The following FHIT variants were observed in gnomAD, a reference collection of about 807,000 sequenced individuals.
FHIT encodes the protein fragile histidine triad diadenosine triphosphatase.
A neutral mutation model predicts 17.9 loss-of-function variants in FHIT; 19 were observed. The ratio of observed to expected loss-of-function variants is 1.06; its 90% CI spans 0.74 to 1.56. The LOEUF is 1.56. Among genes scored for constraint, FHIT ranks in the 40% most tolerant of loss-of-function variants. The pLI is 0.00. For synonymous variants in FHIT, 81 were observed against 69.7 expected, an observed-to-expected ratio of 1.16 and a Z score of -0.81; for missense variants, 248 against 189.2, an observed-to-expected ratio of 1.31 and a Z score of -1.82.
intron 3 of FHIT, among the ~76,000 whole-genome samples, chr3:60,880,561 T>G (rs1704916841): frequency 6.6e-6 from 1 of 152,208 alleles, no homozygotes; most frequent in Non-Finnish European, 1.5e-5. Context: ...GGAGAAATCC[T>G]GTCTCTACTC....
chr3:60,181,976 T>C (rs559251211), intron 5 of FHIT, among the ~76,000 whole-genome samples: 36 of 152,128 alleles, frequency 2.4e-4, no homozygotes, highest in Non-Finnish European at 3.8e-4. Context: ...CCTAGATAAA[T>C]GGGATCACAA....
Position 60,405,960 on chromosome 3 carries a change from A to C in FHIT, c.103+130900T>G, listed in dbSNP as rs542213530. On this transcript the variant is annotated intron_variant, in intron 5 of 9. Coordinates refer to ENST00000492590, the MANE Select transcript of FHIT (RefSeq NM_002012.4). Reference sequence around the variant, plus strand: ...AATAATCAACCACTTCTTATATGTTAAGTGGTGAGGCTTAAGATAACAAAT... The same window carrying C: ...AATAATCAACCACTTCTTATATGTTCAGTGGTGAGGCTTAAGATAACAAAT... 2.0e-5 allele frequency among the ~76,000 whole-genome samples: 3 copies of C among 152,346 alleles called. No individual in the cohort carries two copies. The South Asian group carries it at 6.2e-4, about 32-fold the overall frequency.
In FHIT at chr3:61,092,502, A is replaced by T. The variant is rs533486183; in HGVS notation, c.-163-50403T>A. On this transcript the variant is annotated intron_variant, in intron 2 of 9. Transcript: ENST00000492590. ...CTCTAAAGTATATATGTCCCTTAAA[A>T]ATATATATATATATATACTGCTTGC... 1.6e-3 allele frequency among the ~76,000 whole-genome samples: 235 copies of T among 149,486 alleles called. 1 individual carries two copies. Among genetic ancestry groups the T allele is most frequent in the African/African-American group, 5.1e-3 (208 of 40,892 alleles).
intron 5 of FHIT, among the ~76,000 whole-genome samples, chr3:60,065,870 C>T (rs1702478792): frequency 6.6e-6 from 1 of 152,164 alleles, no homozygotes; most frequent in Admixed American, 6.5e-5. Context: ...AGTAGCAACA[C>T]TGCTGCTGCC....
rs150790535 is a variant in FHIT at position 60,951,972 on chromosome 3, C to A, written c.-111+90075G>T. 5.4e-3 allele frequency among the ~76,000 whole-genome samples: 824 copies of A among 152,174 alleles called. 3 individuals carry two copies. Among genetic ancestry groups the A allele is most frequent in the Non-Finnish European group, 8.9e-3 (606 of 68,006 alleles). ...CCTGAGGTCAGGAGTTCAAGACCAG[C>A]CTGGTTAACATGGTGAAACCCCATC... On this transcript the variant is annotated intron_variant, in intron 3 of 9. Coordinates refer to ENST00000492590, the MANE Select transcript of FHIT (RefSeq NM_002012.4).
intron 5 of FHIT, among the ~76,000 whole-genome samples, chr3:60,302,860 C>G (rs1035440756): frequency 1.3e-5 from 2 of 152,158 alleles, no homozygotes; most frequent in Non-Finnish European, 2.9e-5. Context: ...CATCAAGCAT[C>G]ACTTTAAGGT....
rs562700950 is a variant in FHIT, at chr3:59,984,721, C to A, written c.279+26650G>T. Among the ~76,000 whole-genome samples, 93 of 152,176 alleles carry A rather than the reference C, an allele frequency of 6.1e-4. 3 individuals carry two copies. In the South Asian group the frequency reaches 9.8e-3, roughly 16 times the overall value. On this transcript the variant is annotated intron_variant, in intron 7 of 9. Transcript: ENST00000492590. ...GTGCCTTCATTTATTCAAATACTTA[C>A]CAAGCTCCTATTAAGTTTGAGTTTT...
chr3:60,945,022 A>G (rs1708579220), intron 3 of FHIT, among the ~76,000 whole-genome samples: 1 of 152,206 alleles, frequency 6.6e-6, no homozygotes, highest in South Asian at 2.1e-4. Flanking sequence ...ATAATACAAC[A>G]TCAGGGAGTC....
At chr3:60,924,606 G>A (rs1553769355) in intron 3 of FHIT, among the ~76,000 whole-genome samples, 1 of 152,024 alleles carries the variant, frequency 6.6e-6, no homozygotes, top group Non-Finnish European at 1.5e-5. Context: ...CAAAGATGGG[G>A]AAAAAACAGA....
chr3:60,391,830 T>C (rs1450531985), intron 5 of FHIT, among the ~76,000 whole-genome samples: 2 of 152,176 alleles, frequency 1.3e-5, no homozygotes, highest in Admixed American at 6.5e-5. Flanking sequence ...AATCTGGATA[T>C]TGAGGGGCTG....
intron 4 of FHIT, among the ~76,000 whole-genome samples, chr3:60,584,013 A>C (rs570431386): frequency 6.6e-6 from 1 of 152,188 alleles, no homozygotes; most frequent in East Asian, 1.9e-4. Context: ...TCATTTCCCA[A>C]AGGCATTCTC....
chr3:60,875,923 A>ATGTG (rs60177380), intron 3 of FHIT, among the ~76,000 whole-genome samples: 22,473 of 136,630 alleles, frequency 0.16, 2,122 homozygotes, highest in Admixed American at 0.28. Flanking sequence ...AAACTTATTC[A>ATGTG]TGTGTGTGTG....
At chr3:61,231,338 A>T (rs186168617) in intron 1 of FHIT, among the ~76,000 whole-genome samples, 85 of 152,020 alleles carry the variant, frequency 5.6e-4, no homozygotes, top group Non-Finnish European at 9.0e-4. Flanking sequence ...CAAAAAGTTT[A>T]AAAAAAATTG....
At chr3:60,531,468 C>T (rs1403646683) in intron 5 of FHIT, among the ~76,000 whole-genome samples, 1 of 151,694 alleles carries the variant, frequency 6.6e-6, no homozygotes, top group Non-Finnish European at 1.5e-5. Flanking sequence ...TTAGTAGAGA[C>T]GGGGTTTCAC....
chr3:60,992,308 C>T (rs1265720348), intron 3 of FHIT, among the ~76,000 whole-genome samples: 1 of 152,174 alleles, frequency 6.6e-6, no homozygotes, highest in Non-Finnish European at 1.5e-5. Context: ...ATGGCAGTTA[C>T]ATGATGGATA....
In FHIT at chr3:61,080,436, G is replaced by T. The variant is rs1251523532; in HGVS notation, c.-163-38337C>A. 2.0e-5 allele frequency among the ~76,000 whole-genome samples: 3 copies of T among 152,000 alleles called. No homozygotes were observed. The East Asian group carries it at 5.8e-4, about 29-fold the overall frequency. On this transcript the variant is annotated intron_variant, in intron 2 of 9. Coordinates refer to ENST00000492590, the MANE Select transcript of FHIT (RefSeq NM_002012.4). ...AGGAAAACACTATTGGAATGCATGA[G>T]CCAAAATGCAGAGATGAAACGGAAC...
intron 3 of FHIT, among the ~76,000 whole-genome samples, chr3:60,927,972 C>A (rs1217386631): frequency 1.3e-5 from 2 of 152,218 alleles, no homozygotes; most frequent in African/African-American, 4.8e-5. Flanking sequence ...AAGAAAAATT[C>A]TTCTGCCTTG....
intron 5 of FHIT, among the ~76,000 whole-genome samples, chr3:60,528,377 T>C (rs1056846687): frequency 2.0e-5 from 3 of 151,780 alleles, no homozygotes; most frequent in Non-Finnish European, 4.4e-5. Context: ...ATAAATATAC[T>C]CTCCACTGCC....
intron 5 of FHIT, among the ~76,000 whole-genome samples, chr3:60,470,080 C>CTCTCTCTCTCTCTCTCT (rs370993192): frequency 9.3e-5 from 14 of 151,212 alleles, no homozygotes; most frequent in South Asian, 2.1e-4. Flanking sequence ...CTCTCTCTCT[C>CTCTCTCTCTCTCTCTCT]CAGAGCTGCC....
Sources: allele counts gnomAD v4.1 joint callset (sites outside exome capture counted in the v4.1 genomes callset), GRCh38; gene constraint gnomAD v4.1.1; transcripts MANE v1.5; gene names NCBI Gene and HGNC (gene_info 2026-07-23, HGNC 2026-07-21).